The following SANBR variants were observed in gnomAD, a reference collection of about 807,000 sequenced individuals.
The protein encoded by SANBR is SANT and BTB domain regulator of class switch recombination.
Under a neutral mutation model 101.8 loss-of-function variants are expected in SANBR, and 77 were observed. The observed-to-expected ratio is 0.76, with a 90% confidence interval of 0.63 to 0.91. SANBR has a LOEUF of 0.91. SANBR is among the 40% of genes least tolerant of loss of function. The pLI is 0.00. For synonymous variants in SANBR, 279 were observed against 274.7 expected (o/e 1.02, Z -0.15); for missense variants, 875 against 853.0 (o/e 1.03, Z -0.32).
chr2:61,091,724 A>G (rs1309921863), intron 10 of SANBR, among the ~76,000 whole-genome samples: 2 of 152,192 alleles, frequency 1.3e-5, no homozygotes, highest in Non-Finnish European at 2.9e-5. Flanking sequence ...TGATTGCACC[A>G]CTGCACTCCA....
chr2:61,091,329 T>G (rs1458028345), intron 10 of SANBR, among the ~76,000 whole-genome samples: 1 of 151,936 alleles, frequency 6.6e-6, no homozygotes, highest in African/African-American at 2.4e-5. Flanking sequence ...TGGTGGCTCA[T>G]GCTTGTAATC....
At chr2:61,084,316 A>G (rs1682308435) in intron 8 of SANBR, among the ~76,000 whole-genome samples, 1 of 152,208 alleles carries the variant, frequency 6.6e-6, no homozygotes, top group African/African-American at 2.4e-5. Context: ...AAGTAAGTAA[A>G]GTGAAGTAAA....
chr2:61,125,792 C>T (rs977623370), downstream of SANBR, among the ~76,000 whole-genome samples: 5 of 152,234 alleles, frequency 3.3e-5, no homozygotes, highest in South Asian at 8.3e-4. Context: ...TCACAACGCC[C>T]GCCCCCGCCA....
intron 7 of SANBR, among the ~76,000 whole-genome samples, chr2:61,082,891 T>C (rs1417833635): frequency 6.6e-6 from 1 of 152,182 alleles, no homozygotes; most frequent in Non-Finnish European, 1.5e-5. Flanking sequence ...GCCACAATTT[T>C]AAAAGATGCA....
intron 12 of SANBR, among the ~76,000 whole-genome samples, chr2:61,101,709 C>T (rs1421498054): frequency 6.8e-6 from 1 of 147,452 alleles, no homozygotes; most frequent in Admixed American, 6.9e-5. Context: ...GCCTGGGCAA[C>T]AGAGCGAGAC....
At chr2:61,103,137 C>CTTT (rs398060223) in intron 12 of SANBR, among the ~76,000 whole-genome samples, 2 of 134,946 alleles carry the variant, frequency 1.5e-5, no homozygotes, top group African/African-American at 2.7e-5. Context: ...ATTTTTCTTT[C>CTTT]TTTTTTTTTT....
chr2:61,067,423 C>T (rs1681231921), intron 1 of SANBR, among the ~76,000 whole-genome samples: 1 of 152,126 alleles, frequency 6.6e-6, no homozygotes, highest in Non-Finnish European at 1.5e-5. Context: ...TTGCTTTCTA[C>T]CAAGGCCCAA....
intron 16 of SANBR, among the ~76,000 whole-genome samples, chr2:61,109,675 G>A (rs1573650278): frequency 8.2e-6 from 1 of 121,676 alleles, no homozygotes; most frequent in South Asian, 2.5e-4. Flanking sequence ...TGTTTTTTTT[G>A]TGTTTGTTTT....
chr2:61,109,168 C>T (rs1683703727), intron 15 of SANBR, 29 bp from the exon 16 acceptor site: 1 of 1,110,940 alleles, frequency 9.0e-7, no homozygotes, highest in African/African-American at 1.6e-5. Flanking sequence ...CATAATATTA[C>T]ATTTATAATA....
chr2:61,112,969 T>G (rs933305658), intron 16 of SANBR, among the ~76,000 whole-genome samples: 36 of 152,246 alleles, frequency 2.4e-4, no homozygotes, highest in African/African-American at 8.7e-4. Context: ...TTTAGCTTTT[T>G]ATTTAAGATT....
intron 8 of SANBR, 71 bp downstream of exon 8, chr2:61,083,385 G>A: frequency 1.0e-6 from 1 of 988,212 alleles, no homozygotes; most frequent in Non-Finnish European, 1.5e-6. Flanking sequence ...TCATGTGAGT[G>A]AAATATTCTT....
chr2:61,120,555 T>G (rs1409492610), intron 20 of SANBR, among the ~76,000 whole-genome samples: 1 of 151,986 alleles, frequency 6.6e-6, no homozygotes, highest in Non-Finnish European at 1.5e-5. Flanking sequence ...CATAGGGAGA[T>G]TCTGTTTCTA....
downstream of SANBR, among the ~76,000 whole-genome samples, chr2:61,125,231 T>A (rs1388596830): frequency 6.6e-6 from 1 of 152,206 alleles, no homozygotes; most frequent in Non-Finnish European, 1.5e-5. Context: ...AAGCCCTCCA[T>A]AAATGTTTGC....
intron 11 of SANBR, 124 bp downstream of exon 11, chr2:61,092,711 C>G (rs1405261551): frequency 2.1e-5 from 16 of 752,348 alleles, no homozygotes; most frequent in Non-Finnish European, 2.9e-5. Flanking sequence ...TTTAAAGAAA[C>G]TAGTGGCAGC....
chr2:61,079,925 C>T (rs1386671470), intron 6 of SANBR, among the ~76,000 whole-genome samples: 5 of 151,100 alleles, frequency 3.3e-5, no homozygotes, highest in Admixed American at 2.6e-4. Context: ...AAGCCCGGCA[C>T]TCTGGCTCAC....
At position 61,088,830 on chromosome 2, in the gene SANBR, T is replaced by A. The variant is rs529276905; in HGVS notation, c.1088+362T>A. On this transcript the variant is annotated intron_variant, in intron 10 of 21. Transcript: ENST00000402291. ...CACCGCTCCCAGCCCAGATTTTTTT[T>A]AAATGTGAATTTCTAGCATATTTAT... 501 of 972,880 alleles carry A rather than the reference T, an allele frequency of 5.1e-4. 1 individual carries two copies. In the African/African-American group the frequency reaches 8.2e-3, roughly 16 times the overall value. The allele number at this position is 972,880 out of a possible 1,614,324, so 60.3% of individuals were successfully genotyped here.
intron 11 of SANBR, among the ~76,000 whole-genome samples, chr2:61,096,998 A>G (rs1256440050): frequency 2.0e-5 from 3 of 152,174 alleles, no homozygotes; most frequent in Non-Finnish European, 4.4e-5. Context: ...TACTAAAAAT[A>G]GAAAAACTAG....
chr2:61,094,705 G>A (rs527658063), intron 11 of SANBR, among the ~76,000 whole-genome samples: 9 of 142,726 alleles, frequency 6.3e-5, no homozygotes, highest in African/African-American at 7.8e-5. Flanking sequence ...GTGCGCTGGC[G>A]CCATCTTGGC....
At chr2:61,098,688 C>G (rs1683150102) in intron 12 of SANBR, among the ~76,000 whole-genome samples, 1 of 152,102 alleles carries the variant, frequency 6.6e-6, no homozygotes, top group Non-Finnish European at 1.5e-5. Context: ...TGATCACAAA[C>G]ACTTTTGAAA....
Sources: gnomAD v4.1 joint callset for allele counts (sites outside exome capture counted in the v4.1 genomes callset) on GRCh38, gnomAD v4.1.1 for gene constraint, MANE v1.5 for transcripts, NCBI Gene and HGNC (gene_info 2026-07-23, HGNC 2026-07-21) for gene names.